Variants in PPP1R1C observed in about 807,000 individuals in gnomAD.
The protein encoded by PPP1R1C is protein phosphatase 1 regulatory subunit 1C.
In PPP1R1C, 15 loss-of-function variants were observed where a neutral mutation model predicts 17.4. That is an observed-to-expected ratio of 0.86 (90% CI 0.58 to 1.33). PPP1R1C has a LOEUF of 1.33. Among genes scored for constraint, PPP1R1C ranks in the 40% most tolerant of loss-of-function variants. PPP1R1C has a pLI of 0.00. For missense variants in PPP1R1C, 143 were observed against 130.0 expected (o/e 1.10, Z -0.48); for synonymous variants, 35 against 43.1 (o/e 0.81, Z 0.73).
intron 4 of PPP1R1C, among the ~76,000 whole-genome samples, chr2:182,099,730 T>C (rs1689043820): frequency 6.6e-6 from 1 of 152,242 alleles, no homozygotes. Context: ...TTTAGGAGAT[T>C]GCTTTTAAAG....
chr2:181,963,230 A>G (rs1684841120), intron 1 of PPP1R1C, among the ~76,000 whole-genome samples: 1 of 152,256 alleles, frequency 6.6e-6, no homozygotes, highest in Non-Finnish European at 1.5e-5. Flanking sequence ...GATAAAAGCA[A>G]GTCATTAAAA....
chr2:181,974,567 A>G (rs1305179846), intron 1 of PPP1R1C, among the ~76,000 whole-genome samples: 1 of 152,246 alleles, frequency 6.6e-6, no homozygotes, highest in Non-Finnish European at 1.5e-5. Flanking sequence ...TAGAATAAAT[A>G]TGAATCTGAA....
intron 4 of PPP1R1C, among the ~76,000 whole-genome samples, chr2:182,112,998 G>C (rs755880321): frequency 1.9e-4 from 29 of 152,106 alleles, no homozygotes; most frequent in Non-Finnish European, 3.8e-4. Flanking sequence ...ACTCAAAACA[G>C]AGCTAATTTT....
chr2:182,103,436 T>C (rs983827825), intron 4 of PPP1R1C, among the ~76,000 whole-genome samples: 1 of 152,178 alleles, frequency 6.6e-6, no homozygotes, highest in Admixed American at 6.5e-5. Flanking sequence ...AGGTATTAGC[T>C]TATCTATGGA....
chr2:182,046,581 A>T (rs1336445154), intron 2 of PPP1R1C, among the ~76,000 whole-genome samples: 1 of 150,458 alleles, frequency 6.6e-6, no homozygotes, highest in African/African-American at 2.4e-5. Flanking sequence ...AAAAAAAAAA[A>T]TACTAAAAGT....
chr2:182,058,029 A>T (rs987056316), intron 2 of PPP1R1C, among the ~76,000 whole-genome samples: 7 of 152,212 alleles, frequency 4.6e-5, no homozygotes, highest in African/African-American at 1.7e-4. Flanking sequence ...CCCTATTCTT[A>T]ATATTCTAAG....
chr2:181,999,342 T>C (rs573184558), intron 2 of PPP1R1C, among the ~76,000 whole-genome samples: 4 of 152,180 alleles, frequency 2.6e-5, no homozygotes, highest in African/African-American at 9.6e-5. Flanking sequence ...CTATAATACA[T>C]GTCCTTACAA....
At chr2:181,981,146 T>A (rs1685187936), upstream of PPP1R1C, among the ~76,000 whole-genome samples, 2 of 151,910 alleles carry the variant, frequency 1.3e-5, no homozygotes, top group African/African-American at 2.4e-5. Context: ...GCCGGGATGG[T>A]CTCGATCTCC....
intron 2 of PPP1R1C, among the ~76,000 whole-genome samples, chr2:182,034,759 A>G (rs1375756924): frequency 6.6e-6 from 1 of 152,228 alleles, no homozygotes; most frequent in African/African-American, 2.4e-5. Context: ...AGTCTCATCA[A>G]ACTTATCCAA....
At chr2:182,005,193 T>C (rs1365311249) in intron 2 of PPP1R1C, among the ~76,000 whole-genome samples, 1 of 152,174 alleles carries the variant, frequency 6.6e-6, no homozygotes, top group Non-Finnish European at 1.5e-5. Flanking sequence ...TCAATATAAC[T>C]ATCTTAAAAA....
chr2:182,035,330 C>A (rs1686971413), intron 2 of PPP1R1C, among the ~76,000 whole-genome samples: 1 of 152,168 alleles, frequency 6.6e-6, no homozygotes, highest in Admixed American at 6.5e-5. Context: ...ATTTCATCAG[C>A]TTTTAGTAAC....
rs1006296605 is a variant in PPP1R1C at position 181,992,561 on chromosome 2, C to T, written c.142+4662C>T. Reference sequence around the variant, plus strand: ...ACAGTTATATTTAATGGACCTGACGCCTACTAAACATGAGTGAGCTGTATG... The same window carrying T: ...ACAGTTATATTTAATGGACCTGACGTCTACTAAACATGAGTGAGCTGTATG... On this transcript the variant is annotated intron_variant, in intron 2 of 4. Transcript: ENST00000682840. 3.0e-5 allele frequency among the ~76,000 whole-genome samples: 4 copies of T among 134,124 alleles called. 1 individual carries two copies. The highest frequency in any genetic ancestry group is 5.0e-5 in the Non-Finnish European group (3 of 59,912). 88.0% of individuals were successfully genotyped at this position (134,124 alleles called of 152,430 possible).
chr2:182,130,538 A>C (rs1479949933), downstream of PPP1R1C: 3 of 152,204 alleles, frequency 2.0e-5, no homozygotes, highest in African/African-American at 4.8e-5. Context: ...ACTTAAAAAA[A>C]TAGTTTGCAG....
intron 2 of PPP1R1C, among the ~76,000 whole-genome samples, chr2:182,011,391 A>C (rs1375894786): frequency 6.6e-6 from 1 of 151,986 alleles, no homozygotes; most frequent in Non-Finnish European, 1.5e-5. Context: ...AGGTTTTCAA[A>C]TTTATTGACA....
At chr2:182,054,840 T>C (rs185042003) in intron 2 of PPP1R1C, among the ~76,000 whole-genome samples, 3 of 151,952 alleles carry the variant, frequency 2.0e-5, no homozygotes, top group Non-Finnish European at 2.9e-5. Context: ...TTCATATTTT[T>C]AGTAGAGACA....
intron 2 of PPP1R1C, among the ~76,000 whole-genome samples, chr2:182,045,575 T>C (rs1687318302): frequency 6.6e-6 from 1 of 152,114 alleles, no homozygotes; most frequent in South Asian, 2.1e-4. Context: ...GAATAAATTT[T>C]CCATCTATAA....
chr2:182,046,819 T>C (rs2125184470), intron 2 of PPP1R1C, among the ~76,000 whole-genome samples: 1 of 152,244 alleles, frequency 6.6e-6, no homozygotes, highest in East Asian at 1.9e-4. Flanking sequence ...ATGTACAATA[T>C]ATAAAGAAAT....
intron 2 of PPP1R1C, among the ~76,000 whole-genome samples, chr2:182,056,440 C>G (rs1687686855): frequency 6.6e-6 from 1 of 152,130 alleles, no homozygotes; most frequent in African/African-American, 2.4e-5. Flanking sequence ...ATTGCTATTG[C>G]TTTTGAGCAG....
Position 181,961,410 on chromosome 2 carries a change from C to T in PPP1R1C, n.111+6776C>T. On this transcript the variant is annotated intron_variant and non_coding_transcript_variant, in intron 1 of 5. Transcript: ENST00000464264. This position sits in a 1 kb window ranked among gnomAD's most constrained non-coding sequence, Gnocchi z 5.8. ...GAGCCTCGTACTCCCCGATCTGGTGCTGTCCCTCTGCCCGGCTCTGTGCCA... is the reference window on the plus strand; with the variant it reads ...GAGCCTCGTACTCCCCGATCTGGTGTTGTCCCTCTGCCCGGCTCTGTGCCA... 1 of 734,390 alleles carries T rather than the reference C, an allele frequency of 1.4e-6. No homozygotes were observed. Among genetic ancestry groups the T allele is most frequent in the East Asian group, 2.6e-5 (1 of 38,394 alleles). The allele number at this position is 734,390 out of a possible 1,614,324, so 45.5% of individuals were successfully genotyped here. A position where few individuals can be genotyped will look rare whatever the true frequency, so the allele number is the denominator to read the frequency against.
Sources: gnomAD v4.1 joint callset for allele counts (sites outside exome capture counted in the v4.1 genomes callset) on GRCh38, gnomAD v4.1.1 for gene constraint, Gnocchi (gnomAD v3.1) non-coding constraint, MANE v1.5 for transcripts, NCBI Gene and HGNC (gene_info 2026-07-23, HGNC 2026-07-21) for gene names.